The following MAPKAP1 variants were observed in gnomAD, a reference collection of about 807,000 sequenced individuals.
MAPKAP1 encodes target of rapamycin complex 2 subunit MAPKAP1.
Under a neutral mutation model 65.7 loss-of-function variants are expected in MAPKAP1, and 20 were observed. The observed-to-expected ratio is 0.30, with a 90% CI of 0.21 to 0.44. The LOEUF is 0.44. Ranked by LOEUF, MAPKAP1 falls within the 20% of genes least tolerant of loss-of-function variation. The probability of loss-of-function intolerance (pLI) is 1.00; values close to 1 mark genes in which losing one functional copy is unlikely to be tolerated. For missense variants in MAPKAP1, 423 were observed against 648.0 expected (o/e 0.65, Z 3.77); for synonymous variants, 222 against 244.3 (o/e 0.91, Z 0.85).
intron 6 of MAPKAP1, among the ~76,000 whole-genome samples, chr9:125,551,946 T>C (rs1247756078): frequency 6.6e-6 from 1 of 152,220 alleles, no homozygotes; most frequent in Middle Eastern, 3.2e-3. Context: ...TGGTCACTGC[T>C]GGCAAGAAAC....
At chr9:125,451,399 T>C (rs1054081844) in intron 10 of MAPKAP1, among the ~76,000 whole-genome samples, 6 of 152,226 alleles carry the variant, frequency 3.9e-5, no homozygotes, top group Admixed American at 2.0e-4. Context: ...AGTTCTATCC[T>C]TGATCAGCAC....
intron 1 of MAPKAP1, among the ~76,000 whole-genome samples, chr9:125,706,637 G>A (rs1201657218): frequency 6.6e-6 from 1 of 152,062 alleles, no homozygotes; most frequent in African/African-American, 2.4e-5. Context: ...CACAGTCAAT[G>A]CTTGAAAACC....
intron 1 of MAPKAP1, among the ~76,000 whole-genome samples, chr9:125,677,551 G>A (rs560869262): frequency 6.6e-6 from 1 of 152,032 alleles, no homozygotes. Flanking sequence ...TAAAAAGTAG[G>A]GGGGCGTGGT....
intron 4 of MAPKAP1, among the ~76,000 whole-genome samples, chr9:125,624,497 G>A (rs1221249769): frequency 4.5e-5 from 4 of 88,210 alleles, no homozygotes; most frequent in African/African-American, 1.2e-4. Context: ...GCCTCTGCCC[G>A]GCCGCCCCTA....
rs1589252805 is a variant in MAPKAP1 at position 125,518,378 on chromosome 9, T to C, written c.959-11961A>G. On this transcript the variant is annotated intron_variant, in intron 7 of 11. Coordinates refer to ENST00000265960, the MANE Select transcript of MAPKAP1 (RefSeq NM_001006617.3). ...ATTACATCTGTAATCCCATATTACA[T>C]CTGTAATCCCACATTACATCTGTAA... 5.4e-5 allele frequency among the ~76,000 whole-genome samples: 8 copies of C among 149,174 alleles called. 2 individuals are homozygous for C. In the Admixed American group the frequency reaches 5.4e-4, roughly 10 times the overall value.
rs146382731 is a variant in MAPKAP1 at position 125,583,804 on chromosome 9, C to G, written c.671+1751G>C. Among the ~76,000 whole-genome samples, 197 of 152,346 alleles carry G rather than the reference C, an allele frequency of 1.3e-3. 1 individual carries two copies. Among genetic ancestry groups the G allele is most frequent in the African/African-American group, 4.6e-3 (190 of 41,584 alleles). ...AAAGGCTGGGTGCAGTGGCTCACGC[C>G]TGTAATCCCAACACTTTGAGAGGCC... is the stretch of plus-strand genomic sequence containing the variant. On this transcript the variant is annotated intron_variant, in intron 5 of 11. Coordinates refer to ENST00000265960, the MANE Select transcript of MAPKAP1 (RefSeq NM_001006617.3).
intron 4 of MAPKAP1, among the ~76,000 whole-genome samples, chr9:125,629,715 T>G (rs947680923): frequency 6.6e-6 from 1 of 152,208 alleles, no homozygotes; most frequent in Non-Finnish European, 1.5e-5. Context: ...TACTACCATA[T>G]TGAACACTTA....
Position 125,672,641 on chromosome 9 carries a change from TA to T in MAPKAP1, c.-68del. ...CTTCATATTGTTTCACGAGCTCACC[TA>T]CCTAGAAACATGATGTACACAGCAA... On this transcript the variant is annotated splice_region_variant and 5_prime_UTR_variant, in exon 2 of 12. Transcript: ENST00000265960. 1 of 1,539,928 alleles carries T rather than the reference TA, an allele frequency of 6.5e-7. No homozygotes were observed. Among genetic ancestry groups the T allele is most frequent in the Non-Finnish European group, 8.9e-7 (1 of 1,124,364 alleles).
intron 10 of MAPKAP1, among the ~76,000 whole-genome samples, chr9:125,446,556 G>A (rs568608761): frequency 5.3e-5 from 8 of 152,180 alleles, no homozygotes; most frequent in Admixed American, 2.0e-4. Context: ...GGAACAATGC[G>A]GGCACCTTTG....
At chr9:125,601,355 TA>T (rs1282812887) in intron 4 of MAPKAP1, among the ~76,000 whole-genome samples, 1 of 118,166 alleles carries the variant, frequency 8.5e-6, no homozygotes, top group African/African-American at 2.7e-5. Flanking sequence ...TTCAGTCAAT[TA>T]AACATTATAA....
intron 8 of MAPKAP1, among the ~76,000 whole-genome samples, chr9:125,493,130 T>TA (rs1451764404): frequency 6.6e-6 from 1 of 152,208 alleles, no homozygotes. Context: ...GAGCAGTATC[T>TA]AGCTCAGCAC....
At chr9:125,626,975 A>C (rs556293519) in intron 4 of MAPKAP1, among the ~76,000 whole-genome samples, 6 of 152,226 alleles carry the variant, frequency 3.9e-5, no homozygotes, top group Admixed American at 6.5e-5. Context: ...ACAGATGAGA[A>C]AACTAAGGTT....
At chr9:125,562,525 T>A (rs1487578597) in intron 5 of MAPKAP1, among the ~76,000 whole-genome samples, 2 of 152,196 alleles carry the variant, frequency 1.3e-5, no homozygotes, top group African/African-American at 4.8e-5. Context: ...AGATAATGAC[T>A]AAAATTCTAT....
chr9:125,576,983 G>T, intron 5 of MAPKAP1, among the ~76,000 whole-genome samples: 2 of 148,188 alleles, frequency 1.3e-5, no homozygotes, highest in East Asian at 2.1e-4. Flanking sequence ...GCCGCCCATC[G>T]TCTGGGATGT....
chr9:125,489,449 C>G (rs1564528788), intron 8 of MAPKAP1, among the ~76,000 whole-genome samples: 1 of 152,194 alleles, frequency 6.6e-6, no homozygotes, highest in Non-Finnish European at 1.5e-5. Context: ...TCAAAACGCT[C>G]AAGCTGCAAT....
At chr9:125,645,171 A>T (rs1189968506) in intron 4 of MAPKAP1, among the ~76,000 whole-genome samples, 1 of 152,198 alleles carries the variant, frequency 6.6e-6, no homozygotes, top group East Asian at 1.9e-4. Flanking sequence ...GGGGGACCTG[A>T]AGAGCAGGCC....
Position 125,459,175 on chromosome 9 carries a change from C to T in MAPKAP1, c.1345+8797G>A, listed in dbSNP as rs1252570752. On this transcript the variant is annotated intron_variant, in intron 10 of 11. Coordinates refer to ENST00000265960, the MANE Select transcript of MAPKAP1 (RefSeq NM_001006617.3). ...GCAGAGGCGCTCCTCACATCCCAGA[C>T]GGGGCGGCGGGGCAGAGGCGCTCCC... Among the ~76,000 whole-genome samples, 958 of 140,304 alleles carry T rather than the reference C, an allele frequency of 6.8e-3. 11 individuals carry two copies. Among genetic ancestry groups the T allele is most frequent in the African/African-American group, 0.023 (849 of 37,206 alleles). 92.0% of individuals were successfully genotyped at this position (140,304 alleles called of 152,430 possible). A position where few individuals can be genotyped will look rare whatever the true frequency, so the allele number is the denominator to read the frequency against.
chr9:125,634,820 C>T, intron 4 of MAPKAP1, among the ~76,000 whole-genome samples: 1 of 152,288 alleles, frequency 6.6e-6, no homozygotes, highest in Middle Eastern at 3.4e-3. Flanking sequence ...CGAGCATCTT[C>T]TATTTAACCT....
Position 125,438,057 on chromosome 9 carries a change from G to C in MAPKAP1, c.*830C>G, listed in dbSNP as rs140325013. 3 of 280,312 alleles carry C rather than the reference G, an allele frequency of 1.1e-5. No homozygotes were observed. The highest frequency in any genetic ancestry group is 2.0e-5 in the Non-Finnish European group (3 of 151,392). 17.4% of individuals were successfully genotyped at this position (280,312 alleles called of 1,614,324 possible). The stretch of plus-strand genomic sequence containing the variant: ...CAGCGAAGCAGAGAACATGCAGGTG[G>C]AACTGCCAGCTGAAACCTACACTTG... On this transcript the variant is annotated 3_prime_UTR_variant, in exon 12 of 12. Coordinates refer to ENST00000265960, the MANE Select transcript of MAPKAP1 (RefSeq NM_001006617.3).
Sources: gnomAD v4.1 joint callset for allele counts (sites outside exome capture counted in the v4.1 genomes callset) on GRCh38, gnomAD v4.1.1 for gene constraint, MANE v1.5 for transcripts, NCBI Gene and HGNC (gene_info 2026-07-23, HGNC 2026-07-21) for gene names.